PDZRN4: variants seen among roughly 807,000 people sequenced by gnomAD.
PDZRN4 encodes PDZ domain-containing RING finger protein 4.
In PDZRN4, 70 loss-of-function variants were observed where a neutral mutation model predicts 99.0. That is an observed-to-expected ratio of 0.71 (90% confidence interval 0.58 to 0.86). The LOEUF is 0.86. Ranked by LOEUF, PDZRN4 falls within the 40% of genes least tolerant of loss-of-function variation. The pLI is 0.00. For synonymous variants in PDZRN4, 551 were observed against 501.6 expected, an observed-to-expected ratio of 1.10 and a Z score of -1.32; for missense variants, 1,474 against 1,331.2, an observed-to-expected ratio of 1.11 and a Z score of -1.67.
At chr12:41,227,936 G>T (rs971233223) in intron 3 of PDZRN4, among the ~76,000 whole-genome samples, 21 of 149,174 alleles carry the variant, frequency 1.4e-4, no homozygotes, top group Middle Eastern at 3.2e-3. Context: ...GGGTTGAAAT[G>T]GTATATTACC....
At chr12:41,217,014 A>C (rs1950925585) in intron 3 of PDZRN4, among the ~76,000 whole-genome samples, 1 of 152,080 alleles carries the variant, frequency 6.6e-6, no homozygotes. Flanking sequence ...CAAAACAAAT[A>C]GGTGGATTTC....
intron 3 of PDZRN4, among the ~76,000 whole-genome samples, chr12:41,387,255 T>G (rs995859585): frequency 2.0e-5 from 3 of 152,008 alleles, no homozygotes; most frequent in Non-Finnish European, 4.4e-5. Context: ...ATAAGGAACT[T>G]AAACAAATTT....
In PDZRN4 at chr12:41,574,009, A is replaced by C; in HGVS notation, c.*119A>C. ...TATTTTGTGACTCTTTATAGTTTAA[A>C]TTTTTTGTAAGCAAAAAATACCTGG... is the stretch of plus-strand genomic sequence containing the variant. On this transcript the variant is annotated 3_prime_UTR_variant, in exon 10 of 10. Transcript: ENST00000402685. The C allele has an allele frequency of 1.6e-6, 1 of 622,354 alleles. No individual in the cohort carries two copies. Among genetic ancestry groups the C allele is most frequent in the South Asian group, 5.7e-5 (1 of 17,538 alleles). 38.6% of individuals were successfully genotyped at this position (622,354 alleles called of 1,614,324 possible).
intron 5 of PDZRN4, among the ~76,000 whole-genome samples, chr12:41,547,543 T>C (rs1410519330): frequency 6.6e-6 from 1 of 152,126 alleles, no homozygotes; most frequent in Non-Finnish European, 1.5e-5. Flanking sequence ...GGAGACTCGC[T>C]TGAACCTGGG....
At chr12:41,425,833 A>G (rs1952531592) in intron 3 of PDZRN4, among the ~76,000 whole-genome samples, 1 of 152,168 alleles carries the variant, frequency 6.6e-6, no homozygotes. Context: ...AGTATTAATG[A>G]GATGATTTCC....
intron 3 of PDZRN4, among the ~76,000 whole-genome samples, chr12:41,387,108 A>C (rs915116330): frequency 6.6e-6 from 1 of 152,230 alleles, no homozygotes; most frequent in African/African-American, 2.4e-5. Flanking sequence ...ATAAAATCAA[A>C]AATTCACAAA....
intron 5 of PDZRN4, among the ~76,000 whole-genome samples, chr12:41,533,574 C>T (rs980613358): frequency 2.0e-5 from 3 of 152,214 alleles, no homozygotes; most frequent in Non-Finnish European, 2.9e-5. Context: ...ACCAGCTTCT[C>T]TAAGTATTTT....
chr12:41,296,594 T>C (rs1425044206), intron 3 of PDZRN4, among the ~76,000 whole-genome samples: 1 of 152,144 alleles, frequency 6.6e-6, no homozygotes, highest in East Asian at 1.9e-4. Flanking sequence ...AGAGTTTTGA[T>C]AGGAAATCAT....
rs1434862793 is a variant in PDZRN4 at position 41,351,570 on chromosome 12, G to A, written c.844-154886G>A. 2.0e-5 allele frequency among the ~76,000 whole-genome samples: 3 copies of A among 151,936 alleles called. No homozygotes were observed. In the East Asian group the frequency reaches 5.8e-4, roughly 29 times the overall value. ...GGGGAAGCAAGCACATCTTCACATGGCCAGAAGGAGAGAGAGAGAACGGGG... is the reference window on the plus strand; with the variant it reads ...GGGGAAGCAAGCACATCTTCACATGACCAGAAGGAGAGAGAGAGAACGGGG... On this transcript the variant is annotated intron_variant, in intron 3 of 9. Coordinates refer to ENST00000402685, the MANE Select transcript of PDZRN4 (RefSeq NM_001164595.2).
intron 4 of PDZRN4, among the ~76,000 whole-genome samples, chr12:41,506,932 T>A (rs1173339036): frequency 6.6e-6 from 1 of 152,128 alleles, no homozygotes; most frequent in African/African-American, 2.4e-5. Flanking sequence ...ACCTGGGTAA[T>A]CATACTTGCT....
chr12:41,351,421 G>T (rs1357797654), intron 3 of PDZRN4, among the ~76,000 whole-genome samples: 2 of 152,068 alleles, frequency 1.3e-5, no homozygotes, highest in African/African-American at 4.8e-5. Flanking sequence ...CTGCTATGAA[G>T]ACACACTTGA....
chr12:41,469,229 T>C (rs1229694209), intron 3 of PDZRN4, among the ~76,000 whole-genome samples: 1 of 152,142 alleles, frequency 6.6e-6, no homozygotes, highest in East Asian at 1.9e-4. Flanking sequence ...CGGCTGAAGA[T>C]TTATGTGTGA....
At chr12:41,435,156 T>C (rs552800935) in intron 3 of PDZRN4, among the ~76,000 whole-genome samples, 19 of 152,248 alleles carry the variant, frequency 1.2e-4, no homozygotes, top group African/African-American at 4.6e-4. Flanking sequence ...AATAGAGGGA[T>C]TAGGAATGAA....
chr12:41,204,129 C>G (rs933380567), intron 3 of PDZRN4, among the ~76,000 whole-genome samples: 2 of 152,002 alleles, frequency 1.3e-5, no homozygotes, highest in African/African-American at 4.8e-5. Flanking sequence ...TGCTCATCAT[C>G]ATCTCATATC....
intron 3 of PDZRN4, among the ~76,000 whole-genome samples, chr12:41,499,314 C>T (rs1474376455): frequency 1.3e-5 from 2 of 152,116 alleles, no homozygotes; most frequent in African/African-American, 4.8e-5. Context: ...ACATCCAACT[C>T]ATGTGCCAAA....
At chr12:41,375,926 A>G in intron 3 of PDZRN4, among the ~76,000 whole-genome samples, 1 of 152,182 alleles carries the variant, frequency 6.6e-6, no homozygotes, top group Non-Finnish European at 1.5e-5. Flanking sequence ...ATCCCCTGGC[A>G]ACATCCATTC....
intron 3 of PDZRN4, among the ~76,000 whole-genome samples, chr12:41,199,271 A>G (rs187342604): frequency 1.1e-3 from 168 of 152,284 alleles, no homozygotes; most frequent in African/African-American, 3.8e-3. Flanking sequence ...AAATATCACT[A>G]ATCATAGAGA....
chr12:41,367,137 T>C (rs1400068241), intron 3 of PDZRN4, among the ~76,000 whole-genome samples: 2 of 152,124 alleles, frequency 1.3e-5, no homozygotes, highest in East Asian at 3.9e-4. Flanking sequence ...CATTCCCTAG[T>C]ACCTGTACTT....
intron 3 of PDZRN4, among the ~76,000 whole-genome samples, chr12:41,266,592 T>G (rs1041468214): frequency 3.9e-4 from 59 of 152,252 alleles, no homozygotes; most frequent in African/African-American, 1.4e-3. Context: ...TCTAAGAAAT[T>G]ATTAAAGAAG....
Sources: gnomAD v4.1 joint callset for allele counts (sites outside exome capture counted in the v4.1 genomes callset) on GRCh38, gnomAD v4.1.1 for gene constraint, MANE v1.5 for transcripts, NCBI Gene and HGNC (gene_info 2026-07-23, HGNC 2026-07-21) for gene names.